Variants in SLC12A8 observed in about 807,000 individuals in gnomAD.
The protein encoded by SLC12A8 is solute carrier family 12 member 8, also known as cation-chloride cotransporter 9.
A neutral mutation model predicts 75.6 loss-of-function variants in SLC12A8; 69 were observed. The ratio of observed to expected loss-of-function variants is 0.91; its 90% confidence interval spans 0.75 to 1.11. The LOEUF (loss-of-function observed/expected upper bound fraction) is 1.11, where lower values mean the gene tolerates loss of function less well. SLC12A8 is among the 50% of genes most tolerant of loss of function. SLC12A8 has a pLI of 0.00. For synonymous variants in SLC12A8, 365 were observed against 372.8 expected (o/e 0.98, Z 0.24); for missense variants, 877 against 896.7 (o/e 0.98, Z 0.28).
At chr3:125,148,002 C>A (rs540582115) in intron 5 of SLC12A8, among the ~76,000 whole-genome samples, 58 of 152,256 alleles carry the variant, frequency 3.8e-4, no homozygotes, top group African/African-American at 9.4e-4. Context: ...GGCAACCTAG[C>A]GAGGCAGGCG....
chr3:125,174,550 T>C (rs1440238933), intron 5 of SLC12A8, among the ~76,000 whole-genome samples: 2 of 152,226 alleles, frequency 1.3e-5, no homozygotes, highest in African/African-American at 2.4e-5. Flanking sequence ...TCAGTTTTAT[T>C]AATAATTGCC....
intron 4 of SLC12A8, among the ~76,000 whole-genome samples, chr3:125,184,886 C>CA (rs1413163139): frequency 6.6e-6 from 1 of 151,288 alleles, no homozygotes; most frequent in Non-Finnish European, 1.5e-5. Flanking sequence ...CTAAGCTGAT[C>CA]AAGAAAAAAG....
In SLC12A8 at chr3:125,133,894, C is replaced by T. The variant is rs534721881; in HGVS notation, c.736+1775G>A. ...GGCCAGGAATATATTTTTCATCCCC[C>T]CAAAGTTTCCTTCTGCACTTTAGTA... On this transcript the variant is annotated intron_variant, in intron 6 of 13. Transcript: ENST00000469902. Among the ~76,000 whole-genome samples the T allele has an allele frequency of 1.4e-4, 21 of 152,040 alleles. No homozygotes were observed. In the South Asian group the frequency reaches 3.1e-3, roughly 23 times the overall value.
At chr3:125,195,138 C>T (rs543425425) in intron 2 of SLC12A8, among the ~76,000 whole-genome samples, 1 of 152,352 alleles carries the variant, frequency 6.6e-6, no homozygotes, top group East Asian at 1.9e-4. Context: ...ATGAGGATTT[C>T]TTCAGGGAAG....
chr3:125,173,183 A>C (rs6786383), intron 5 of SLC12A8, among the ~76,000 whole-genome samples: 18,471 of 152,204 alleles, frequency 0.12, 1,381 homozygotes, highest in Middle Eastern at 0.27. Flanking sequence ...CCATCTCAAA[A>C]AAACAAACAA....
At chr3:125,205,128 G>T (rs1258139369) in intron 2 of SLC12A8, among the ~76,000 whole-genome samples, 3 of 152,122 alleles carry the variant, frequency 2.0e-5, no homozygotes, top group Admixed American at 2.0e-4. Flanking sequence ...CACTAGAATT[G>T]TTCAAACTGC....
intron 8 of SLC12A8, among the ~76,000 whole-genome samples, chr3:125,116,439 G>A (rs1234337135): frequency 6.6e-6 from 1 of 152,192 alleles, no homozygotes; most frequent in African/African-American, 2.4e-5. Flanking sequence ...CCCCCAGCTG[G>A]CTAAGTGCTT....
intron 4 of SLC12A8, among the ~76,000 whole-genome samples, chr3:125,185,289 C>A (rs1347605106): frequency 6.6e-6 from 1 of 151,572 alleles, no homozygotes; most frequent in East Asian, 1.9e-4. Flanking sequence ...CATTGCACAC[C>A]AGCCTGGGAA....
chr3:125,211,544 G>C (rs1325505964), intron 1 of SLC12A8, 150 bp from the exon 2 acceptor site: 12 of 625,352 alleles, frequency 1.9e-5, no homozygotes, highest in Non-Finnish European at 3.2e-5. Context: ...AAACTTGGCC[G>C]GGTTACCTTT....
intron 5 of SLC12A8, among the ~76,000 whole-genome samples, chr3:125,177,455 C>T (rs990288582): frequency 6.6e-6 from 1 of 151,302 alleles, no homozygotes; most frequent in South Asian, 2.1e-4. Context: ...CACATGTTAT[C>T]CTAAAACTTA....
chr3:125,122,733 G>A (rs2037235), intron 6 of SLC12A8, among the ~76,000 whole-genome samples: 19,188 of 152,190 alleles, frequency 0.13, 1,543 homozygotes, highest in Admixed American at 0.17. Flanking sequence ...CTAACCATGC[G>A]ACAGCTGGGG....
At chr3:125,143,143 C>G (rs1012748453) in intron 5 of SLC12A8, among the ~76,000 whole-genome samples, 2 of 152,204 alleles carry the variant, frequency 1.3e-5, no homozygotes, top group African/African-American at 4.8e-5. Flanking sequence ...CACGCAGAGT[C>G]AAAAGGGGAA....
chr3:125,206,857 C>T (rs541382502), intron 2 of SLC12A8: 1 of 152,280 alleles, frequency 6.6e-6, no homozygotes, highest in East Asian at 1.9e-4. Context: ...TTTTAAACAA[C>T]CAGATTTCAT....
At chr3:125,124,684 G>A (rs1221366428) in intron 6 of SLC12A8, among the ~76,000 whole-genome samples, 1 of 152,132 alleles carries the variant, frequency 6.6e-6, no homozygotes, top group African/African-American at 2.4e-5. Flanking sequence ...TTCTACCTCT[G>A]TGTTACCACA....
chr3:125,181,293 T>A (rs1339479352), intron 4 of SLC12A8, among the ~76,000 whole-genome samples: 1 of 152,210 alleles, frequency 6.6e-6, no homozygotes, highest in Non-Finnish European at 1.5e-5. Flanking sequence ...TAGTCTTAAA[T>A]GATTTTATTA....
At chr3:125,178,817 C>T (rs568076676) in intron 4 of SLC12A8, among the ~76,000 whole-genome samples, 1 of 152,312 alleles carries the variant, frequency 6.6e-6, no homozygotes, top group East Asian at 1.9e-4. Flanking sequence ...TTACTGGCTC[C>T]TCCATTAATT....
intron 13 of SLC12A8, among the ~76,000 whole-genome samples, chr3:125,086,523 G>A (rs1456728748): frequency 1.3e-5 from 2 of 152,148 alleles, no homozygotes; most frequent in Admixed American, 1.3e-4. Flanking sequence ...AAATATTCCT[G>A]TAAATCAGGC....
chr3:125,148,715 TC>T (rs1457135355), intron 5 of SLC12A8, among the ~76,000 whole-genome samples: 5 of 152,106 alleles, frequency 3.3e-5, no homozygotes, highest in Non-Finnish European at 4.4e-5. Context: ...GCCCAGGACT[TC>T]CTGCCTTGTT....
chr3:125,196,033 C>T (rs764464322), intron 2 of SLC12A8, among the ~76,000 whole-genome samples: 5 of 152,196 alleles, frequency 3.3e-5, no homozygotes, highest in African/African-American at 4.8e-5. Context: ...AAAAGGTTAT[C>T]ATTCCAGGTG....
Sources: gnomAD v4.1 joint callset for allele counts (sites outside exome capture counted in the v4.1 genomes callset) on GRCh38, gnomAD v4.1.1 for gene constraint, MANE v1.5 for transcripts, NCBI Gene and HGNC (gene_info 2026-07-23, HGNC 2026-07-21) for gene names.